Variants in EXOC4 observed in about 807,000 individuals in gnomAD.
EXOC4 encodes SEC8-like 1.
Under a neutral mutation model 107.2 loss-of-function variants are expected in EXOC4, and 71 were observed. The ratio of observed to expected loss-of-function variants is 0.66; its 90% CI spans 0.55 to 0.81. The LOEUF is 0.81. EXOC4 is among the 30% of genes least tolerant of loss of function. The pLI is 0.00. For synonymous variants in EXOC4, 456 were observed against 441.2 expected, an observed-to-expected ratio of 1.03 and a Z score of -0.42; for missense variants, 1,108 against 1,189.6, an observed-to-expected ratio of 0.93 and a Z score of 1.01.
At chr7:133,513,059 C>T (rs775029088) in intron 9 of EXOC4, among the ~76,000 whole-genome samples, 22 of 151,898 alleles carry the variant, frequency 1.4e-4, no homozygotes, top group African/African-American at 4.8e-4. Flanking sequence ...GAGCCGAGAT[C>T]GCGCCACTGC....
intron 9 of EXOC4, among the ~76,000 whole-genome samples, chr7:133,561,112 C>T (rs1176853083): frequency 2.6e-5 from 4 of 152,158 alleles, no homozygotes; most frequent in Admixed American, 1.3e-4. Flanking sequence ...AGTTTGTTCC[C>T]TTGTTGTCAG....
At position 133,425,385 on chromosome 7, in the gene EXOC4, C is replaced by A. The variant is rs138987137; in HGVS notation, c.1183-49943C>A. On this transcript the variant is annotated intron_variant, in intron 7 of 17. Coordinates refer to ENST00000253861, the MANE Select transcript of EXOC4 (RefSeq NM_021807.4). ...TCACTGCAACCTCTGCCTACCGGTT[C>A]AAGCGATTCTGCTGTCTCAGTCTCC... Among the ~76,000 whole-genome samples the A allele has an allele frequency of 5.9e-3, 897 of 152,270 alleles. 9 individuals carry two copies. Among genetic ancestry groups the A allele is most frequent in the Non-Finnish European group, 7.0e-3 (477 of 68,022 alleles).
chr7:133,289,257 G>C, intron 3 of EXOC4, 141 bp downstream of exon 3: 1 of 646,544 alleles, frequency 1.5e-6, no homozygotes, highest in Non-Finnish European at 2.6e-6. Flanking sequence ...GTGAAGCCTG[G>C]GTATTTCTCT....
At chr7:134,100,822 T>C in the EXOC4 span, among the ~76,000 whole-genome samples, 54 of 129,370 alleles carry the variant, frequency 4.2e-4, 10 homozygotes, top group Middle Eastern at 9.0e-3. Flanking sequence ...CATGCACCTG[T>C]AGTCCCAGCT....
chr7:133,504,659 T>G (rs945471085), intron 9 of EXOC4, among the ~76,000 whole-genome samples: 9 of 152,128 alleles, frequency 5.9e-5, no homozygotes, highest in Non-Finnish European at 1.3e-4. Context: ...CCTTTAGTTT[T>G]TAGTATGATA....
At chr7:133,796,844 C>T (rs1283325317) in intron 10 of EXOC4, among the ~76,000 whole-genome samples, 1 of 152,182 alleles carries the variant, frequency 6.6e-6, no homozygotes, top group African/African-American at 2.4e-5. Context: ...TCCCCAGTTA[C>T]GTGCCTGGGA....
At chr7:133,780,710 G>C (rs764934944) in intron 10 of EXOC4, among the ~76,000 whole-genome samples, 1 of 152,134 alleles carries the variant, frequency 6.6e-6, no homozygotes, top group Non-Finnish European at 1.5e-5. Context: ...CACTGGCTAG[G>C]AGCAACCTGG....
At chr7:133,276,124 C>T (rs769191020) in intron 2 of EXOC4, among the ~76,000 whole-genome samples, 6 of 151,948 alleles carry the variant, frequency 3.9e-5, no homozygotes, top group Non-Finnish European at 8.8e-5. Context: ...CACGTTCTTT[C>T]TCCCTGTCTC....
chr7:134,055,107 T>A (rs918841380), intron 17 of EXOC4, among the ~76,000 whole-genome samples: 1 of 151,972 alleles, frequency 6.6e-6, no homozygotes, highest in South Asian at 2.1e-4. Context: ...TAATCCAGAG[T>A]TTTTTGGTTC....
intron 6 of EXOC4, among the ~76,000 whole-genome samples, chr7:133,357,183 T>C (rs889629293): frequency 1.3e-5 from 2 of 152,244 alleles, no homozygotes; most frequent in South Asian, 2.1e-4. Flanking sequence ...ATGTAGCAGC[T>C]ATTGTACACA....
At chr7:133,345,886 T>C (rs1795772998) in intron 5 of EXOC4, among the ~76,000 whole-genome samples, 1 of 152,166 alleles carries the variant, frequency 6.6e-6, no homozygotes, top group Admixed American at 6.5e-5. Flanking sequence ...TTAAAGTAAT[T>C]TAATCTGCAC....
chr7:133,539,214 C>G (rs994555921), intron 9 of EXOC4, among the ~76,000 whole-genome samples: 3 of 151,990 alleles, frequency 2.0e-5, no homozygotes, highest in Non-Finnish European at 2.9e-5. Context: ...GTCCTGCCCT[C>G]CCTGGGAATG....
chr7:133,303,232 A>C (rs1041966731), intron 3 of EXOC4, among the ~76,000 whole-genome samples: 5 of 152,198 alleles, frequency 3.3e-5, no homozygotes, highest in Non-Finnish European at 1.5e-5. Context: ...CAGGAGTTTG[A>C]GACCAGCCTG....
At chr7:133,481,266 TA>T (rs1799151005) in intron 9 of EXOC4, among the ~76,000 whole-genome samples, 4 of 152,044 alleles carry the variant, frequency 2.6e-5, no homozygotes, top group African/African-American at 9.6e-5. Flanking sequence ...TATCAGGAAG[TA>T]AATACTAACA....
At chr7:133,664,477 A>G (rs1225645308) in intron 10 of EXOC4, among the ~76,000 whole-genome samples, 2 of 152,128 alleles carry the variant, frequency 1.3e-5, no homozygotes, top group African/African-American at 2.4e-5. Flanking sequence ...CAGTCTCAAG[A>G]CAACAGTTTT....
chr7:133,544,588 G>A (rs1355698347), intron 9 of EXOC4, among the ~76,000 whole-genome samples: 7 of 151,882 alleles, frequency 4.6e-5, no homozygotes, highest in South Asian at 2.1e-4. Flanking sequence ...TTTCTTCTGC[G>A]TTTTCACTGA....
In EXOC4 at chr7:133,817,525, T is replaced by C. The variant is rs1413091962; in HGVS notation, c.1715T>C (p.Val572Ala). Residue 572 changes from valine to alanine, a missense_variant, in exon 11 of 18, where the codon GTG (valine) becomes GCG (alanine). Val to Ala is a moderately conservative substitution (Grantham distance 64, BLOSUM62 0). Coordinates refer to ENST00000253861, the MANE Select transcript of EXOC4 (RefSeq NM_021807.4). Reference sequence around the variant, plus strand: ...GCAGACACCATGAAGGTGCTGGGAGTGCAGCGGCCTCTCCTACAGGTAATA... The same window carrying C: ...GCAGACACCATGAAGGTGCTGGGAGCGCAGCGGCCTCTCCTACAGGTAATA... ...ANADTMKVLG[V>A]QRPLLQSTII... The C allele has an allele frequency of 1.9e-6, 3 of 1,613,722 alleles. No individual in the cohort carries two copies. In the African/African-American group the frequency reaches 4.0e-5, roughly 22 times the overall value.
intron 10 of EXOC4, among the ~76,000 whole-genome samples, chr7:133,814,911 T>G (rs558741111): frequency 2.6e-5 from 4 of 152,316 alleles, no homozygotes; most frequent in Admixed American, 1.3e-4. Flanking sequence ...ATATAAATTG[T>G]AAATATATCT....
intron 7 of EXOC4, among the ~76,000 whole-genome samples, chr7:133,431,672 C>G (rs575530420): frequency 6.6e-6 from 1 of 152,094 alleles, no homozygotes; most frequent in African/African-American, 2.4e-5. Flanking sequence ...CATAGATTAC[C>G]CTGTATCTGA....
Sources: allele counts gnomAD v4.1 joint callset (sites outside exome capture counted in the v4.1 genomes callset), GRCh38; gene constraint gnomAD v4.1.1; transcripts MANE v1.5; gene names NCBI Gene and HGNC (gene_info 2026-07-23, HGNC 2026-07-21).